The following THSD7B variants were observed in gnomAD, a reference collection of about 807,000 sequenced individuals.
THSD7B encodes thrombospondin type 1 domain containing 7B.
Under a neutral mutation model 213.6 loss-of-function variants are expected in THSD7B, and 138 were observed. That is an observed-to-expected ratio of 0.65 (90% confidence interval 0.56 to 0.74). The LOEUF (loss-of-function observed/expected upper bound fraction) is 0.74. THSD7B is among the 30% of genes least tolerant of loss of function. The pLI is 0.00. For missense variants in THSD7B, 1,931 were observed against 1,991.5 expected (o/e 0.97, Z 0.58); for synonymous variants, 742 against 687.0 (o/e 1.08, Z -1.25).
At chr2:136,865,188 T>C (rs1683315248) in intron 1 of THSD7B, among the ~76,000 whole-genome samples, 1 of 152,184 alleles carries the variant, frequency 6.6e-6, no homozygotes, top group African/African-American at 2.4e-5. Flanking sequence ...CTTGGAGGCA[T>C]GTCCAGAGAA....
intron 1 of THSD7B, among the ~76,000 whole-genome samples, chr2:136,818,710 G>A (rs1296416506): frequency 6.6e-6 from 1 of 152,112 alleles, no homozygotes; most frequent in African/African-American, 2.4e-5. Flanking sequence ...CAGCCTCTAT[G>A]TGAAATTGGT....
At chr2:137,411,303 A>C (rs1686646291) in intron 13 of THSD7B, among the ~76,000 whole-genome samples, 1 of 152,210 alleles carries the variant, frequency 6.6e-6, no homozygotes, top group Admixed American at 6.5e-5. Context: ...TTTTCCAGCA[A>C]ACTTACAGAG....
chr2:136,876,850 C>T (rs1275461749), intron 1 of THSD7B, among the ~76,000 whole-genome samples: 1 of 152,170 alleles, frequency 6.6e-6, no homozygotes, highest in Non-Finnish European at 1.5e-5. Flanking sequence ...GTACACTAAG[C>T]AGAGCAGGCA....
chr2:136,840,045 C>G (rs1682899459), intron 1 of THSD7B, among the ~76,000 whole-genome samples: 1 of 152,090 alleles, frequency 6.6e-6, no homozygotes, highest in African/African-American at 2.4e-5. Context: ...AAAATAAGTA[C>G]AAGGCAGATT....
At chr2:137,164,435 T>C (rs918438117) in intron 6 of THSD7B, among the ~76,000 whole-genome samples, 3 of 152,134 alleles carry the variant, frequency 2.0e-5, no homozygotes, top group East Asian at 1.9e-4. Context: ...GTTGGTGGGA[T>C]TGTAAACTAG....
chr2:136,933,164 C>CTTCCTTCCTTCCTTCCTTCA (rs1684663065), intron 2 of THSD7B, among the ~76,000 whole-genome samples: 2 of 125,594 alleles, frequency 1.6e-5, no homozygotes. Flanking sequence ...TCCTTCCTTC[C>CTTCCTTCCTTCCTTCCTTCA]TTCCTGTTCA....
intron 14 of THSD7B, among the ~76,000 whole-genome samples, chr2:137,437,320 C>T (rs1249306409): frequency 1.3e-5 from 2 of 152,070 alleles, no homozygotes; most frequent in African/African-American, 4.8e-5. Context: ...CCATGCATTA[C>T]CATTATTGTC....
chr2:137,238,780 C>T (rs1010602755), intron 9 of THSD7B, among the ~76,000 whole-genome samples: 1 of 150,822 alleles, frequency 6.6e-6, no homozygotes, highest in Non-Finnish European at 1.5e-5. Flanking sequence ...GTCTCGATCT[C>T]CTGACCTCAT....
chr2:137,452,573 T>G (rs1269607574), intron 15 of THSD7B, among the ~76,000 whole-genome samples: 1 of 152,176 alleles, frequency 6.6e-6, no homozygotes, highest in Non-Finnish European at 1.5e-5. Flanking sequence ...TTTTTGTATC[T>G]TCCTCAAAAC....
At chr2:137,527,522 G>A (rs1008303815) in intron 15 of THSD7B, among the ~76,000 whole-genome samples, 1 of 152,038 alleles carries the variant, frequency 6.6e-6, no homozygotes, top group Non-Finnish European at 1.5e-5. Context: ...TTATTTGCTA[G>A]CATTGCTCCC....
chr2:137,505,337 T>G (rs1679809822), intron 15 of THSD7B, among the ~76,000 whole-genome samples: 1 of 152,220 alleles, frequency 6.6e-6, no homozygotes, highest in East Asian at 1.9e-4. Flanking sequence ...GGGAGGGACA[T>G]GAGCTTCTGT....
At chr2:137,341,619 T>G (rs1684763222) in intron 12 of THSD7B, among the ~76,000 whole-genome samples, 1 of 151,782 alleles carries the variant, frequency 6.6e-6, no homozygotes, top group African/African-American at 2.4e-5. Context: ...GTTTAAGTGT[T>G]TAATCCATTT....
intron 17 of THSD7B, among the ~76,000 whole-genome samples, chr2:137,582,865 T>A (rs1267610935): frequency 6.6e-6 from 1 of 152,214 alleles, no homozygotes; most frequent in African/African-American, 2.4e-5. Context: ...AGTAATGGGA[T>A]GGCTGGGTCA....
intron 15 of THSD7B, among the ~76,000 whole-genome samples, chr2:137,483,398 C>T (rs6756838): frequency 2.0e-5 from 3 of 152,132 alleles, no homozygotes; most frequent in Non-Finnish European, 2.9e-5. Context: ...TTAGGTAATA[C>T]CTCTTCATAA....
At chr2:137,355,940 G>A (rs993346342) in intron 12 of THSD7B, among the ~76,000 whole-genome samples, 53 of 152,240 alleles carry the variant, frequency 3.5e-4, no homozygotes, top group African/African-American at 1.3e-3. Context: ...TTGCCCATCT[G>A]AGAGTGTTAG....
rs957006306 is a variant in THSD7B, at chr2:137,434,785, T to C, written c.2960-16060T>C. 6.6e-5 allele frequency among the ~76,000 whole-genome samples: 10 copies of C among 152,250 alleles called. 1 individual carries two copies. Among genetic ancestry groups the C allele is most frequent in the Admixed American group, 5.2e-4 (8 of 15,282 alleles). ...TCCTTATGATGATGTACGTCTCCTC[T>C]ACTCCTGATTCAAGTCTTGTTCTCA... On this transcript the variant is annotated intron_variant, in intron 14 of 27. Coordinates refer to ENST00000409968, the MANE Select transcript of THSD7B (RefSeq NM_001316349.2).
At chr2:137,066,219 T>A (rs1404684098) in intron 3 of THSD7B, among the ~76,000 whole-genome samples, 1 of 138,750 alleles carries the variant, frequency 7.2e-6, no homozygotes, top group Non-Finnish European at 1.5e-5. Flanking sequence ...TGAGACAGAG[T>A]CTGGCTCTGT....
intron 7 of THSD7B, among the ~76,000 whole-genome samples, chr2:137,221,814 A>G (rs546191230): frequency 6.6e-6 from 1 of 152,258 alleles, no homozygotes; most frequent in South Asian, 2.1e-4. Flanking sequence ...TTACCAATTT[A>G]CTCTATTGAC....
chr2:137,245,214 A>T (rs1682000070), intron 10 of THSD7B, among the ~76,000 whole-genome samples: 1 of 152,174 alleles, frequency 6.6e-6, no homozygotes, highest in African/African-American at 2.4e-5. Context: ...AAGAGCATGG[A>T]TGCTGGAGCC....
Sources: allele counts gnomAD v4.1 joint callset (sites outside exome capture counted in the v4.1 genomes callset), GRCh38; gene constraint gnomAD v4.1.1; transcripts MANE v1.5; gene names NCBI Gene and HGNC (gene_info 2026-07-23, HGNC 2026-07-21).